CELF4: variants seen among roughly 807,000 people sequenced by gnomAD.
CELF4 encodes CUGBP Elav-like family member 4.
CELF4 carries 18 observed loss-of-function variants against 59.9 expected under a neutral mutation model. That is an observed-to-expected ratio of 0.30 (90% CI 0.21 to 0.45). The LOEUF is 0.45. Among genes scored for constraint, CELF4 ranks in the 20% least tolerant of loss-of-function variants. The pLI is 1.00. For synonymous variants in CELF4, 261 were observed against 267.1 expected (o/e 0.98, Z 0.22); for missense variants, 456 against 689.0 (o/e 0.66, Z 3.79).
At chr18:37,272,875 G>T (rs2091961357) in intron 7 of CELF4, 141 bp downstream of exon 7, 2 of 780,610 alleles carry the variant, frequency 2.6e-6, no homozygotes, top group Admixed American at 2.8e-5. Flanking sequence ...GAGACAAACT[G>T]CCAGAAGGCA....
chr18:37,318,929 G>A (rs367845730), intron 3 of CELF4, among the ~76,000 whole-genome samples: 10 of 152,252 alleles, frequency 6.6e-5, no homozygotes, highest in East Asian at 5.8e-4. Context: ...CAGAGGCCTG[G>A]GTCGGTGGCC....
chr18:37,345,463 G>C (rs2098219827), intron 2 of CELF4, among the ~76,000 whole-genome samples: 2 of 151,930 alleles, frequency 1.3e-5, no homozygotes, highest in African/African-American at 4.8e-5. Flanking sequence ...TGGGGTGGGG[G>C]ACACAGGCTC....
intron 2 of CELF4, among the ~76,000 whole-genome samples, chr18:37,358,685 C>T (rs943125688): frequency 6.6e-6 from 1 of 152,200 alleles, no homozygotes; most frequent in East Asian, 1.9e-4. Context: ...AGGATGCAGG[C>T]GCATGCATGA....
chr18:37,323,428 G>A (rs541360419), intron 2 of CELF4, among the ~76,000 whole-genome samples: 1 of 152,326 alleles, frequency 6.6e-6, no homozygotes, highest in African/African-American at 2.4e-5. Flanking sequence ...AGAAGAAGGA[G>A]GAACGTAATG....
intron 2 of CELF4, among the ~76,000 whole-genome samples, chr18:37,455,718 T>A (rs2099776283): frequency 6.6e-6 from 1 of 152,158 alleles, no homozygotes. Context: ...ATAGACAAGG[T>A]CTACAAGCTG....
At chr18:37,448,654 A>ACCGC (rs2154601535) in intron 2 of CELF4, among the ~76,000 whole-genome samples, 1 of 152,212 alleles carries the variant, frequency 6.6e-6, no homozygotes, top group South Asian at 2.1e-4. Context: ...AGCTGCTCTG[A>ACCGC]CCGCCTTCAA....
intron 12 of CELF4, among the ~76,000 whole-genome samples, chr18:37,247,763 G>A (rs1273004067): frequency 6.6e-6 from 1 of 152,160 alleles, no homozygotes; most frequent in African/African-American, 2.4e-5. Context: ...GCGTTGGGGA[G>A]GGGGGCATGG....
chr18:37,276,536 T>A (rs1201814393), intron 3 of CELF4: 1 of 151,250 alleles, frequency 6.6e-6, no homozygotes, highest in Non-Finnish European at 1.5e-5. Flanking sequence ...TGCAGAAGAG[T>A]CCCCATGGAA....
At chr18:37,490,364 C>A (rs1218866199) in intron 1 of CELF4, among the ~76,000 whole-genome samples, 1 of 151,532 alleles carries the variant, frequency 6.6e-6, no homozygotes. Context: ...GTATCACTTG[C>A]ATAATTAACT....
intron 1 of CELF4, among the ~76,000 whole-genome samples, chr18:37,501,221 G>T (rs1351362992): frequency 6.6e-6 from 1 of 152,226 alleles, no homozygotes; most frequent in East Asian, 1.9e-4. Flanking sequence ...GCCAGGATAG[G>T]GTCCTTCTGT....
intron 2 of CELF4, among the ~76,000 whole-genome samples, chr18:37,423,281 C>T (rs1043052621): frequency 9.2e-5 from 14 of 152,178 alleles, no homozygotes; most frequent in African/African-American, 3.4e-4. Context: ...GGTAGGCTGC[C>T]AGGGTCTTTC....
intron 1 of CELF4, among the ~76,000 whole-genome samples, chr18:37,495,869 G>T (rs1360481911): frequency 6.6e-6 from 1 of 152,014 alleles, no homozygotes; most frequent in Non-Finnish European, 1.5e-5. Context: ...GTGTGTTTTG[G>T]GGGGTGCGAT....
intron 1 of CELF4, among the ~76,000 whole-genome samples, chr18:37,491,843 G>T (rs893590223): frequency 9.9e-5 from 15 of 152,210 alleles, no homozygotes; most frequent in Non-Finnish European, 1.8e-4. Context: ...TCTCCCATGT[G>T]GGGGGAAAAC....
intron 2 of CELF4, among the ~76,000 whole-genome samples, chr18:37,396,801 G>A (rs1333743260): frequency 1.3e-5 from 2 of 152,130 alleles, no homozygotes; most frequent in African/African-American, 4.8e-5. Context: ...CTCAGTGACC[G>A]CACAGCCAAG....
chr18:37,510,733 TCC>T (rs1603643038), intron 1 of CELF4, among the ~76,000 whole-genome samples: 1 of 30,486 alleles, frequency 3.3e-5, no homozygotes, highest in East Asian at 3.0e-3. Flanking sequence ...TCTCCTTGGC[TCC>T]TGGGCTTCCT....
At chr18:37,266,636 A>G (rs1282159894) in intron 8 of CELF4, 38 bp from the exon 9 acceptor site, 1 of 1,510,678 alleles carries the variant, frequency 6.6e-7, no homozygotes, top group East Asian at 2.4e-5. Context: ...AGCAGTGCCC[A>G]CCACACTGGC....
intron 3 of CELF4, among the ~76,000 whole-genome samples, chr18:37,313,853 G>A (rs961142046): frequency 1.1e-4 from 17 of 152,246 alleles, no homozygotes. Flanking sequence ...GGAGGGCCTG[G>A]GAGCCCAGTC....
chr18:37,465,134 TA>T (rs1194350817), intron 2 of CELF4, among the ~76,000 whole-genome samples: 2 of 152,166 alleles, frequency 1.3e-5, no homozygotes, highest in African/African-American at 4.8e-5. Flanking sequence ...GGAGATGCCT[TA>T]GGAAAGCTCT....
chr18:37,281,660 C>T (rs1475318868), intron 3 of CELF4, among the ~76,000 whole-genome samples: 6 of 152,122 alleles, frequency 3.9e-5, no homozygotes, highest in African/African-American at 1.2e-4. Flanking sequence ...GATGACAGAG[C>T]TGGAGGCCTC....
Sources: allele counts gnomAD v4.1 joint callset (sites outside exome capture counted in the v4.1 genomes callset), GRCh38; gene constraint gnomAD v4.1.1; transcripts MANE v1.5; gene names NCBI Gene and HGNC (gene_info 2026-07-23, HGNC 2026-07-21).